INSL6: variants seen among roughly 807,000 people sequenced by gnomAD.
INSL6 encodes the protein insulin like 6.
A neutral mutation model predicts 9.4 loss-of-function variants in INSL6; 16 were observed. The ratio of observed to expected loss-of-function variants is 1.70; its 90% CI spans 1.15 to 2.59. The LOEUF (loss-of-function observed/expected upper bound fraction) is 2.59, where lower values mean the gene tolerates loss of function less well. Among genes scored for constraint, INSL6 ranks in the 30% most tolerant of loss-of-function variants. The probability of loss-of-function intolerance (pLI) is 0.00; values close to 1 mark genes in which losing one functional copy is unlikely to be tolerated. For synonymous variants in INSL6, 154 were observed against 96.9 expected (o/e 1.59, Z -3.46); for missense variants, 391 against 257.3 (o/e 1.52, Z -3.56).
Position 5,130,572 on chromosome 9 carries a change from T to C in INSL6, c.*10+2853A>G, listed in dbSNP as rs1195870063. Among the ~76,000 whole-genome samples, 4 of 152,196 alleles carry C rather than the reference T, an allele frequency of 2.6e-5. No homozygotes were observed. The East Asian group carries it at 7.7e-4, about 29-fold the overall frequency. On this transcript the variant is annotated intron_variant, in intron 3 of 3. Coordinates refer to the INSL6 transcript ENST00000649639. ...TTATTTATTTTCAAACACAGTTGTA[T>C]ACATAGATGAAAATGTTTAGGTGCT...
At chr9:5,087,562 T>C in the INSL6 span, among the ~76,000 whole-genome samples, 1 of 152,226 alleles carries the variant, frequency 6.6e-6, no homozygotes, top group Non-Finnish European at 1.5e-5. Flanking sequence ...TTTTTCTTCA[T>C]CTCCTTCTTC....
chr9:5,159,428 A>T (rs1473493441), downstream of INSL6, among the ~76,000 whole-genome samples: 1 of 152,090 alleles, frequency 6.6e-6, no homozygotes, highest in Non-Finnish European at 1.5e-5. Context: ...GTATACAGAC[A>T]TACATAGACT....
At chr9:5,044,233 A>AT in the INSL6 span, among the ~76,000 whole-genome samples, 6 of 152,322 alleles carry the variant, frequency 3.9e-5, no homozygotes, top group African/African-American at 1.4e-4. Flanking sequence ...TTCTGCCTAT[A>AT]TTAGTGTTAT....
the INSL6 span, among the ~76,000 whole-genome samples, chr9:5,043,967 A>C: frequency 6.6e-6 from 1 of 152,238 alleles, no homozygotes; most frequent in Non-Finnish European, 1.5e-5. Context: ...TATCTCAATA[A>C]AGGTGTTACT....
chr9:5,019,715 G>C, the INSL6 span, among the ~76,000 whole-genome samples: 1 of 152,106 alleles, frequency 6.6e-6, no homozygotes, highest in Admixed American at 6.5e-5. Flanking sequence ...CTGAAGATTT[G>C]ACTGGGGTGT....
chr9:5,061,702 C>G, the INSL6 span, among the ~76,000 whole-genome samples: 1 of 152,196 alleles, frequency 6.6e-6, no homozygotes, highest in Non-Finnish European at 1.5e-5. Flanking sequence ...TTTATGTGCT[C>G]ACAGGAGTAG....
chr9:5,052,075 T>C, the INSL6 span, among the ~76,000 whole-genome samples: 85 of 152,182 alleles, frequency 5.6e-4, no homozygotes, highest in African/African-American at 1.8e-3. Context: ...TGTCGTTACA[T>C]AGAAACTGAA....
chr9:5,125,050 C>T (rs1482071694), intron 3 of INSL6, among the ~76,000 whole-genome samples: 1 of 150,976 alleles, frequency 6.6e-6, no homozygotes, highest in Non-Finnish European at 1.5e-5. Context: ...TAAAATAAAC[C>T]TTCCAAAGTA....
At chr9:5,145,343 C>T (rs1191097205) in intron 2 of INSL6, among the ~76,000 whole-genome samples, 1 of 152,168 alleles carries the variant, frequency 6.6e-6, no homozygotes, top group Non-Finnish European at 1.5e-5. Context: ...GTAAGACAGA[C>T]TTCCCTTTAT....
the INSL6 span, chr9:5,112,675 C>G: frequency 3.0e-3 from 2,865 of 941,732 alleles, 60 homozygotes; most frequent in African/African-American, 0.044. Flanking sequence ...ACCAGGCCGT[C>G]TCGGTCATCC....
intron 1 of INSL6, among the ~76,000 whole-genome samples, chr9:5,184,501 G>C (rs1825525965): frequency 6.6e-6 from 1 of 152,144 alleles, no homozygotes; most frequent in South Asian, 2.1e-4. Flanking sequence ...TATAAATTCA[G>C]CGCATATTAA....
chr9:5,116,040 C>T, the INSL6 span, among the ~76,000 whole-genome samples: 1 of 151,606 alleles, frequency 6.6e-6, no homozygotes, highest in Non-Finnish European at 1.5e-5. Flanking sequence ...ACATGTATCC[C>T]AAAACTTAAA....
chr9:5,170,252 C>T (rs929160568), intron 1 of INSL6, among the ~76,000 whole-genome samples: 3 of 152,078 alleles, frequency 2.0e-5, no homozygotes, highest in Admixed American at 6.6e-5. Context: ...CTGAGTGACT[C>T]CTGGGTAAAT....
At chr9:5,125,084 AT>A (rs563590532) in intron 3 of INSL6, among the ~76,000 whole-genome samples, 11 of 151,050 alleles carry the variant, frequency 7.3e-5, no homozygotes, top group Non-Finnish European at 1.2e-4. Flanking sequence ...TCATCATAGA[AT>A]TTTTTTTAAT....
chr9:5,037,144 A>C, the INSL6 span, among the ~76,000 whole-genome samples: 1 of 152,232 alleles, frequency 6.6e-6, no homozygotes. Flanking sequence ...ATGCAAATCA[A>C]AACCACAAAG....
At chr9:5,039,601 TA>T in the INSL6 span, among the ~76,000 whole-genome samples, 1 of 151,920 alleles carries the variant, frequency 6.6e-6, no homozygotes, top group African/African-American at 2.4e-5. Context: ...AAGGAATTAA[TA>T]AAAAAACTAT....
At chr9:5,055,741 A>G in the INSL6 span, 376 of 1,610,998 alleles carry the variant, frequency 2.3e-4, 2 homozygotes, top group African/African-American at 4.2e-3. Flanking sequence ...AGAGGGTTCA[A>G]ATGAAAGCCG....
chr9:5,004,732 A>G, the INSL6 span, among the ~76,000 whole-genome samples: 5 of 152,284 alleles, frequency 3.3e-5, no homozygotes, highest in African/African-American at 1.2e-4. Flanking sequence ...GTAAAAATTT[A>G]CATTTTCCCA....
At chr9:5,032,207 G>A in the INSL6 span, among the ~76,000 whole-genome samples, 1 of 151,966 alleles carries the variant, frequency 6.6e-6, no homozygotes, top group Non-Finnish European at 1.5e-5. Context: ...GGGGAGGGGC[G>A]CCCGCCATTG....
Sources: allele counts gnomAD v4.1 joint callset (sites outside exome capture counted in the v4.1 genomes callset), GRCh38; gene constraint gnomAD v4.1.1; transcripts MANE v1.5; gene names NCBI Gene and HGNC (gene_info 2026-07-23, HGNC 2026-07-21).